CAMK4: variants seen among roughly 807,000 people sequenced by gnomAD.
The protein encoded by CAMK4 is calcium/calmodulin-dependent protein kinase type IV.
CAMK4 carries 22 observed loss-of-function variants against 44.9 expected under a neutral mutation model. The observed-to-expected ratio is 0.49, with a 90% CI of 0.35 to 0.70. CAMK4 has a LOEUF of 0.70. CAMK4 is among the 30% of genes least tolerant of loss of function. The probability of loss-of-function intolerance (pLI) is 0.01; values close to 1 mark genes in which losing one functional copy is unlikely to be tolerated. For synonymous variants in CAMK4, 218 were observed against 215.4 expected (o/e 1.01, Z -0.11); for missense variants, 498 against 586.8 (o/e 0.85, Z 1.56).
At chr5:111,387,814 G>C (rs947394474) in intron 4 of CAMK4, among the ~76,000 whole-genome samples, 2 of 152,186 alleles carry the variant, frequency 1.3e-5, no homozygotes, top group African/African-American at 4.8e-5. Flanking sequence ...ACAGTGCCCT[G>C]CAGAAGGTTC....
chr5:111,265,061 G>A (rs1332635791), intron 1 of CAMK4, among the ~76,000 whole-genome samples: 2 of 151,548 alleles, frequency 1.3e-5, no homozygotes, highest in Non-Finnish European at 2.9e-5. Flanking sequence ...ATGACTTCAG[G>A]TAATTATAAC....
At chr5:111,273,550 A>G (rs1750604650) in intron 1 of CAMK4, among the ~76,000 whole-genome samples, 3 of 150,782 alleles carry the variant, frequency 2.0e-5, no homozygotes, top group Admixed American at 2.0e-4. Flanking sequence ...TTCTCATAAT[A>G]AAGAAATTTA....
At chr5:111,358,972 T>C (rs417296) in intron 2 of CAMK4, among the ~76,000 whole-genome samples, 53,201 of 152,014 alleles carry the variant, frequency 0.35, 9,624 homozygotes, top group Admixed American at 0.4. Context: ...TTATTCAGTT[T>C]ACCATTGATG....
At chr5:111,435,322 C>T (rs1753606373) in intron 5 of CAMK4, among the ~76,000 whole-genome samples, 1 of 152,036 alleles carries the variant, frequency 6.6e-6, no homozygotes, top group Non-Finnish European at 1.5e-5. Context: ...TTACTTGCAT[C>T]CCAAAACTCT....
At chr5:111,475,095 G>A (rs538265428) in intron 8 of CAMK4, among the ~76,000 whole-genome samples, 13 of 152,094 alleles carry the variant, frequency 8.5e-5, no homozygotes, top group Non-Finnish European at 1.3e-4. Context: ...CCCAGGAGGC[G>A]GAGATTGCAG....
chr5:111,308,723 C>G (rs571334870), intron 1 of CAMK4, among the ~76,000 whole-genome samples: 1 of 152,210 alleles, frequency 6.6e-6, no homozygotes, highest in South Asian at 2.1e-4. Context: ...TTATGGAAAA[C>G]AATAGCTTAT....
chr5:111,406,046 A>G (rs1216292045), intron 5 of CAMK4, among the ~76,000 whole-genome samples: 2 of 137,644 alleles, frequency 1.5e-5, no homozygotes, highest in African/African-American at 5.5e-5. Context: ...TCTCACCTTT[A>G]TTAACACTTA....
rs1755651888 is a variant in CAMK4 at position 111,486,897 on chromosome 5, TA to T, written c.*2434del. ...GGGAGTTTTAAATTTTGACTCATGT[TA>T]AAGATAAGATTCTGATAATGACTAT... On this transcript the variant is annotated 3_prime_UTR_variant, in exon 11 of 11. Coordinates refer to ENST00000282356, the MANE Select transcript of CAMK4 (RefSeq NM_001744.6). The T allele has an allele frequency of 6.6e-6, 1 of 152,226 alleles. No homozygotes were observed. Among genetic ancestry groups the T allele is most frequent in the Non-Finnish European group, 1.5e-5 (1 of 68,044 alleles). The allele number at this position is 152,226 out of a possible 1,614,324, so 9.4% of individuals were successfully genotyped here.
Position 111,224,653 on chromosome 5 carries a change from C to G in CAMK4, c.161+9C>G. Reference sequence around the variant, plus strand: ...GAGTCGGAGCTGGGACGGTAAGGCGCGGGCTCCGGCTGGGGAAGCCCGCGG... The same window carrying G: ...GAGTCGGAGCTGGGACGGTAAGGCGGGGGCTCCGGCTGGGGAAGCCCGCGG... On this transcript the variant is annotated intron_variant, in intron 1 of 10. Transcript: ENST00000282356. This position sits in a 1 kb window ranked among gnomAD's most constrained non-coding sequence, Gnocchi z 5.7. 3 of 1,599,172 alleles carry G rather than the reference C, an allele frequency of 1.9e-6. No individual in the cohort carries two copies. The highest frequency in any genetic ancestry group is 2.3e-5 in the East Asian group (1 of 43,518).
chr5:111,494,293 T>G lies in CAMK4; in HGVS notation c.*9827T>G, dbSNP rs1327299885. The G allele has an allele frequency of 6.6e-6, 1 of 152,202 alleles. No homozygotes were observed. Among genetic ancestry groups the G allele is most frequent in the East Asian group, 1.9e-4 (1 of 5,198 alleles). The allele number at this position is 152,202 out of a possible 1,614,324, so 9.4% of individuals were successfully genotyped here. A position where few individuals can be genotyped will look rare whatever the true frequency, so the allele number is the denominator to read the frequency against. On this transcript the variant is annotated 3_prime_UTR_variant, in exon 11 of 11. Transcript: ENST00000282356. ...TCCCAACTTCTAATTTGAAGAGCACTGAAAATGGAGCTGTGAACACTTCAT... is the reference window on the plus strand; with the variant it reads ...TCCCAACTTCTAATTTGAAGAGCACGGAAAATGGAGCTGTGAACACTTCAT...
At chr5:111,450,154 A>G (rs1374796163) in intron 7 of CAMK4, among the ~76,000 whole-genome samples, 2 of 151,716 alleles carry the variant, frequency 1.3e-5, no homozygotes. Flanking sequence ...CCCTATCTCT[A>G]CTAAAAAAAA....
chr5:111,291,609 C>T (rs897637842), intron 1 of CAMK4, among the ~76,000 whole-genome samples: 5 of 152,200 alleles, frequency 3.3e-5, no homozygotes, highest in African/African-American at 1.2e-4. Context: ...GCCTTGACCT[C>T]CTGGGCCAAA....
At chr5:111,295,826 G>C (rs1747458597) in intron 1 of CAMK4, among the ~76,000 whole-genome samples, 1 of 152,200 alleles carries the variant, frequency 6.6e-6, no homozygotes, top group African/African-American at 2.4e-5. Flanking sequence ...GAACAAATAT[G>C]CTTTTCGGTT....
At chr5:111,249,246 C>G (rs1749371824) in intron 1 of CAMK4, among the ~76,000 whole-genome samples, 1 of 152,050 alleles carries the variant, frequency 6.6e-6, no homozygotes, top group African/African-American at 2.4e-5. Context: ...TTGGGTAAAA[C>G]CCAGCCCTGT....
intron 1 of CAMK4, among the ~76,000 whole-genome samples, chr5:111,316,911 A>G (rs1469100995): frequency 6.6e-6 from 1 of 152,162 alleles, no homozygotes; most frequent in East Asian, 1.9e-4. Context: ...TTTGACCTCT[A>G]CACTAAAAAT....
chr5:111,350,865 C>T (rs149776974), intron 2 of CAMK4, among the ~76,000 whole-genome samples: 1 of 151,948 alleles, frequency 6.6e-6, no homozygotes, highest in African/African-American at 2.4e-5. Context: ...ATTTATTTGT[C>T]CTTACATTCT....
chr5:111,267,540 T>C (rs1750306524), intron 1 of CAMK4, among the ~76,000 whole-genome samples: 1 of 151,714 alleles, frequency 6.6e-6, no homozygotes, highest in African/African-American at 2.4e-5. Flanking sequence ...CCGTCTCTAC[T>C]AAAAATACAA....
At chr5:111,286,769 G>T (rs762243409) in intron 1 of CAMK4, among the ~76,000 whole-genome samples, 1 of 151,920 alleles carries the variant, frequency 6.6e-6, no homozygotes, top group Non-Finnish European at 1.5e-5. Context: ...TAAAATTTTT[G>T]TCTAAGCTGG....
At chr5:111,274,296 A>G (rs998279032) in intron 1 of CAMK4, among the ~76,000 whole-genome samples, 4 of 151,762 alleles carry the variant, frequency 2.6e-5, no homozygotes, top group Non-Finnish European at 4.4e-5. Context: ...ATTTTTCTTT[A>G]TATTTATCAC....
Sources: gnomAD v4.1 joint callset for allele counts (sites outside exome capture counted in the v4.1 genomes callset) on GRCh38, gnomAD v4.1.1 for gene constraint, Gnocchi (gnomAD v3.1) non-coding constraint, MANE v1.5 for transcripts, NCBI Gene and HGNC (gene_info 2026-07-23, HGNC 2026-07-21) for gene names.